Variants in PTPRR observed in about 807,000 individuals in gnomAD.
PTPRR encodes the protein protein tyrosine phosphatase receptor type R.
PTPRR carries 38 observed loss-of-function variants against 77.2 expected under a neutral mutation model. The ratio of observed to expected loss-of-function variants is 0.49; its 90% confidence interval spans 0.38 to 0.65. PTPRR has a LOEUF of 0.65. Among genes scored for constraint, PTPRR ranks in the 30% least tolerant of loss-of-function variants. The probability of loss-of-function intolerance (pLI) is 0.00; values close to 1 mark genes in which losing one functional copy is unlikely to be tolerated. For synonymous variants in PTPRR, 299 were observed against 283.1 expected (o/e 1.06, Z -0.57); for missense variants, 744 against 799.2 (o/e 0.93, Z 0.83).
At chr12:70,800,908 AAAAAAGTATT>A (rs1891604087) in intron 2 of PTPRR, among the ~76,000 whole-genome samples, 2 of 152,040 alleles carry the variant, frequency 1.3e-5, no homozygotes, top group Non-Finnish European at 2.9e-5. Flanking sequence ...AAAAAAAAAA[AAAAAAGTATT>A]AATGACTTTT....
At chr12:70,708,020 G>A (rs998914361) in intron 6 of PTPRR, among the ~76,000 whole-genome samples, 1 of 152,026 alleles carries the variant, frequency 6.6e-6, no homozygotes, top group Admixed American at 6.6e-5. Flanking sequence ...CTGCAGTTCT[G>A]TTCTCTATGC....
chr12:70,688,728 T>C (rs1373816524), intron 8 of PTPRR, among the ~76,000 whole-genome samples: 2 of 152,286 alleles, frequency 1.3e-5, no homozygotes, highest in East Asian at 3.9e-4. Flanking sequence ...TTGAAGGCAT[T>C]TCTGCACTCC....
At chr12:70,658,556 CA>C (rs1205776070) in intron 12 of PTPRR, among the ~76,000 whole-genome samples, 8 of 151,858 alleles carry the variant, frequency 5.3e-5, no homozygotes, top group African/African-American at 1.7e-4. Context: ...CAATGATATA[CA>C]ATGAAAGAAG....
intron 2 of PTPRR, among the ~76,000 whole-genome samples, chr12:70,890,638 A>G (rs1371079845): frequency 6.6e-6 from 1 of 152,150 alleles, no homozygotes; most frequent in East Asian, 1.9e-4. Flanking sequence ...CCAGTTCAAG[A>G]CACTGATAGT....
At chr12:70,846,898 C>G (rs924436746) in intron 2 of PTPRR, among the ~76,000 whole-genome samples, 2 of 152,106 alleles carry the variant, frequency 1.3e-5, no homozygotes, top group African/African-American at 4.8e-5. Context: ...ACAGCTTCCC[C>G]TGCTTGTCTC....
At chr12:70,850,372 T>C (rs548107327) in intron 2 of PTPRR, among the ~76,000 whole-genome samples, 6 of 150,070 alleles carry the variant, frequency 4.0e-5, no homozygotes, top group Non-Finnish European at 7.4e-5. Flanking sequence ...AAAAAAAAAA[T>C]AAAAGGTAAT....
intron 2 of PTPRR, among the ~76,000 whole-genome samples, chr12:70,790,125 C>T (rs1246585849): frequency 6.6e-6 from 1 of 152,136 alleles, no homozygotes. Flanking sequence ...TAATATTTCT[C>T]ATATTAAAAC....
intron 6 of PTPRR, among the ~76,000 whole-genome samples, chr12:70,734,023 G>A (rs193166159): frequency 3.5e-4 from 54 of 152,292 alleles, no homozygotes; most frequent in African/African-American, 1.3e-3. Context: ...GTCTCTGGCT[G>A]CAAGGAAAAA....
intron 5 of PTPRR, among the ~76,000 whole-genome samples, chr12:70,748,314 C>A (rs988630826): frequency 6.6e-6 from 1 of 152,118 alleles, no homozygotes; most frequent in Non-Finnish European, 1.5e-5. Context: ...AGTCTCATGT[C>A]CTTCTTTGAA....
intron 2 of PTPRR, among the ~76,000 whole-genome samples, chr12:70,870,234 T>C (rs941571671): frequency 6.6e-5 from 10 of 152,132 alleles, no homozygotes; most frequent in African/African-American, 2.4e-4. Flanking sequence ...AGCAACATGA[T>C]GGAAAGAACA....
At chr12:70,665,171 C>A (rs1343866934) in intron 10 of PTPRR, among the ~76,000 whole-genome samples, 5 of 151,928 alleles carry the variant, frequency 3.3e-5, no homozygotes, top group Admixed American at 6.6e-5. Flanking sequence ...CTAGGCTTAT[C>A]CTTTCAGTAA....
At chr12:70,653,507 GTGTTCTA>G (rs1383678199) in intron 13 of PTPRR, among the ~76,000 whole-genome samples, 2 of 152,190 alleles carry the variant, frequency 1.3e-5, no homozygotes, top group East Asian at 3.8e-4. Flanking sequence ...TGTAGGCTGA[GTGTTCTA>G]CTAAATACAT....
chr12:70,745,672 C>T (rs1245087549), intron 6 of PTPRR, 146 bp downstream of exon 6: 4 of 956,626 alleles, frequency 4.2e-6, no homozygotes, highest in Non-Finnish European at 6.1e-6. Flanking sequence ...CTTTGGGAGA[C>T]AAGAAACACT....
chr12:70,908,269 G>A (rs1479977107), intron 1 of PTPRR, among the ~76,000 whole-genome samples: 1 of 152,152 alleles, frequency 6.6e-6, no homozygotes, highest in Non-Finnish European at 1.5e-5. Context: ...AGACATTAAT[G>A]CTTATATATT....
At chr12:70,662,255 G>A (rs999090094) in intron 11 of PTPRR, among the ~76,000 whole-genome samples, 1 of 151,902 alleles carries the variant, frequency 6.6e-6, no homozygotes, top group Non-Finnish European at 1.5e-5. Flanking sequence ...GCAAATTAGA[G>A]GATCACAACA....
At chr12:70,858,622 C>A (rs73332150) in intron 2 of PTPRR, among the ~76,000 whole-genome samples, 22,606 of 151,834 alleles carry the variant, frequency 0.15, 2,467 homozygotes, top group African/African-American at 0.31. Context: ...TCAAGTAACT[C>A]TCTCCCATGA....
At chr12:70,653,256 T>A (rs1289358815) in intron 13 of PTPRR, among the ~76,000 whole-genome samples, 2 of 152,104 alleles carry the variant, frequency 1.3e-5, no homozygotes, top group Non-Finnish European at 2.9e-5. Context: ...AGGGCCCCTT[T>A]CCTGTGTGAA....
At chr12:70,857,808 G>A (rs1892678816) in intron 2 of PTPRR, among the ~76,000 whole-genome samples, 1 of 152,096 alleles carries the variant, frequency 6.6e-6, no homozygotes, top group Admixed American at 6.6e-5. Flanking sequence ...TAGAAGGCAA[G>A]AACATAACTC....
At chr12:70,833,779 G>A (rs1283260385) in intron 2 of PTPRR, among the ~76,000 whole-genome samples, 1 of 152,128 alleles carries the variant, frequency 6.6e-6, no homozygotes, top group East Asian at 1.9e-4. Context: ...TGTGACATCT[G>A]TAATAGTCCC....
Sources: allele counts gnomAD v4.1 joint callset (sites outside exome capture counted in the v4.1 genomes callset), GRCh38; gene constraint gnomAD v4.1.1; transcripts MANE v1.5; gene names NCBI Gene and HGNC (gene_info 2026-07-23, HGNC 2026-07-21).